The following CTPS2 variants were observed in gnomAD, a reference collection of about 807,000 sequenced individuals.
CTPS2 encodes CTP synthase 2.
Under a neutral mutation model 46.8 loss-of-function variants are expected in CTPS2, and 19 were observed. The ratio of observed to expected loss-of-function variants is 0.41; its 90% CI spans 0.28 to 0.60. CTPS2 has a LOEUF of 0.60. CTPS2 is among the 20% of genes least tolerant of loss of function. CTPS2 has a pLI of 0.35. For synonymous variants in CTPS2, 151 were observed against 165.2 expected (o/e 0.91, Z 0.66); for missense variants, 286 against 447.6 (o/e 0.64, Z 3.26).
At chrX:16,667,843 A>T in intron 11 of CTPS2, 119 bp from the exon 12 acceptor site, 2 of 625,664 alleles carry the variant, frequency 3.2e-6, no homozygotes, top group Non-Finnish European at 5.1e-6. Flanking sequence ...AGAGAGCAAG[A>T]CTCTGCCTGT....
chrX:16,682,877 C>T (rs1483473624), intron 9 of CTPS2, among the ~76,000 whole-genome samples: 2 of 112,055 alleles, frequency 1.8e-5, no homozygotes. Context: ...TAGACTTCAC[C>T]CTGCACGACT....
intron 10 of CTPS2, among the ~76,000 whole-genome samples, chrX:16,674,364 T>C (rs1185190596): frequency 9.2e-6 from 1 of 109,008 alleles, no homozygotes; most frequent in Non-Finnish European, 1.9e-5. Context: ...GGTTTCACCA[T>C]GTTAGTCAGG....
chrX:16,641,534 G>C (rs1047070566), intron 13 of CTPS2, among the ~76,000 whole-genome samples: 4 of 112,520 alleles, frequency 3.6e-5, no homozygotes, highest in African/African-American at 1.3e-4. Flanking sequence ...GATCACTGGA[G>C]CCAGAAGTTC....
At chrX:16,674,669 T>C (rs1344572119) in intron 10 of CTPS2, among the ~76,000 whole-genome samples, 16 of 104,569 alleles carry the variant, frequency 1.5e-4, no homozygotes, top group Non-Finnish European at 2.7e-4. Flanking sequence ...AAACCCCGTC[T>C]CTACTAAAAA....
At chrX:16,615,506 A>G (rs1451614329) in intron 16 of CTPS2, among the ~76,000 whole-genome samples, 1 of 111,431 alleles carries the variant, frequency 9.0e-6, no homozygotes, top group African/African-American at 3.3e-5. Context: ...TTCCATGTGA[A>G]AGCTGGCTAT....
At chrX:16,611,975 A>G (rs1033756546) in intron 16 of CTPS2, among the ~76,000 whole-genome samples, 4 of 111,461 alleles carry the variant, frequency 3.6e-5, no homozygotes, top group African/African-American at 1.3e-4. Flanking sequence ...GACATCTTTG[A>G]AAAAAAAGCA....
At chrX:16,644,802 G>A (rs956124821) in intron 13 of CTPS2, among the ~76,000 whole-genome samples, 1 of 112,374 alleles carries the variant, frequency 8.9e-6, no homozygotes, top group Non-Finnish European at 1.9e-5. Context: ...ATCTAATACC[G>A]TTATTTACTA....
Position 16,702,737 on chromosome X carries a change from C to T in CTPS2, c.166G>A (p.Gly56Ser), listed in dbSNP as rs955087690. The part of the protein sequence containing the change: ...DAGTFSPYEH[G>S]EVFVLNDGGE... ...AGGGGGAAGTGGTTCACTTTCGTAC[C>T]GTGTTCATAAGGTGAAAAAGTGCCA... The change falls in exon 2 of 19, where the codon GGT becomes AGT. Residue 56 changes from glycine to serine, a missense_variant and splice_region_variant. Gly to Ser is a moderately conservative substitution (Grantham distance 56, BLOSUM62 0). Coordinates refer to ENST00000359276, the MANE Select transcript of CTPS2 (RefSeq NM_175859.3). 5 of 1,206,257 alleles carry T rather than the reference C, an allele frequency of 4.1e-6. No homozygotes were observed. In the Admixed American group the frequency reaches 8.8e-5, roughly 21 times the overall value.
chrX:16,668,739 G>GAGAA (rs1422381955), intron 11 of CTPS2, among the ~76,000 whole-genome samples: 1 of 85,650 alleles, frequency 1.2e-5, no homozygotes, highest in Admixed American at 1.4e-4. Context: ...GGGAGAAAGA[G>GAGAA]AGAAAGAAAG....
chrX:16,667,411 G>A, intron 13 of CTPS2, 103 bp downstream of exon 13: 3 of 868,097 alleles, frequency 3.5e-6, no homozygotes, highest in South Asian at 4.2e-5. Flanking sequence ...TGGGATTACA[G>A]GGGTGAGCCA....
chrX:16,709,149 C>T (rs1020639426), intron 1 of CTPS2, among the ~76,000 whole-genome samples: 2 of 110,692 alleles, frequency 1.8e-5, no homozygotes, highest in South Asian at 3.8e-4. Context: ...CTTATGTGGC[C>T]GGGCACGGTG....
At chrX:16,667,486 G>A in intron 13 of CTPS2, 28 bp downstream of exon 13, 1 of 1,203,774 alleles carries the variant, frequency 8.3e-7, no homozygotes, top group Non-Finnish European at 1.1e-6. Flanking sequence ...ACAATGACTG[G>A]ACCCAGAAAG....
chrX:16,702,081 G>T (rs1419637392), intron 2 of CTPS2, among the ~76,000 whole-genome samples: 1 of 110,944 alleles, frequency 9.0e-6, no homozygotes, highest in East Asian at 2.8e-4. Flanking sequence ...TTGAGACAGA[G>T]TCTCGCTCTG....
intron 13 of CTPS2, among the ~76,000 whole-genome samples, chrX:16,665,813 C>G (rs1366280963): frequency 8.9e-6 from 1 of 112,157 alleles, no homozygotes; most frequent in Non-Finnish European, 1.9e-5. Flanking sequence ...TGCAATGGCA[C>G]GATCTCAGCT....
intron 4 of CTPS2, among the ~76,000 whole-genome samples, chrX:16,695,449 A>G (rs1924047299): frequency 8.9e-6 from 1 of 112,664 alleles, no homozygotes; most frequent in Non-Finnish European, 1.9e-5. Flanking sequence ...ACAATACTTT[A>G]TGCTGAAATG....
chrX:16,619,858 C>T (rs956238254), intron 15 of CTPS2, among the ~76,000 whole-genome samples: 2 of 111,290 alleles, frequency 1.8e-5, no homozygotes, highest in African/African-American at 3.3e-5. Flanking sequence ...CCCCCTGATA[C>T]CCAGGGATGC....
intron 13 of CTPS2, among the ~76,000 whole-genome samples, chrX:16,648,500 G>A (rs1377148698): frequency 8.9e-6 from 1 of 112,465 alleles, no homozygotes; most frequent in East Asian, 2.8e-4. Context: ...TTTAAAAAAA[G>A]ATAGTTCTTG....
chrX:16,610,496 A>AG (rs2147187180), intron 16 of CTPS2, among the ~76,000 whole-genome samples: 1 of 111,766 alleles, frequency 8.9e-6, no homozygotes, highest in South Asian at 3.8e-4. Context: ...TTCTTAAGGT[A>AG]ATCATTTAAA....
At chrX:16,645,150 C>CTTTT (rs60451307) in intron 13 of CTPS2, among the ~76,000 whole-genome samples, 1,261 of 97,850 alleles carry the variant, frequency 0.013, 19 homozygotes, top group African/African-American at 0.044. Context: ...GCCCGGCTAA[C>CTTTT]TTTTTTTTTT....
Sources: allele counts gnomAD v4.1 joint callset (sites outside exome capture counted in the v4.1 genomes callset), GRCh38; gene constraint gnomAD v4.1.1; transcripts MANE v1.5; gene names NCBI Gene and HGNC (gene_info 2026-07-23, HGNC 2026-07-21).